Variants in DAZAP2 observed in about 807,000 individuals in gnomAD.
DAZAP2 encodes the protein DAZ-associated protein 2.
In DAZAP2, 3 loss-of-function variants were observed where a neutral mutation model predicts 16.2. The ratio of observed to expected loss-of-function variants is 0.19; its 90% confidence interval spans 0.08 to 0.48. The LOEUF (loss-of-function observed/expected upper bound fraction) is 0.48, where lower values mean the gene tolerates loss of function less well. Ranked by LOEUF, DAZAP2 falls within the 20% of genes least tolerant of loss-of-function variation. DAZAP2 has a pLI of 0.98. For synonymous variants in DAZAP2, 69 were observed against 77.6 expected (o/e 0.89, Z 0.58); for missense variants, 172 against 215.9 (o/e 0.80, Z 1.27).
At position 51,243,447 on chromosome 12, in the gene DAZAP2, A is replaced by G. The variant is rs538667949; in HGVS notation, c.*989A>G. ...ACTCATTCGGCTCCCCAGAATTCCT[A>G]GACTGGGTTAATAGGGTCATATTGT... is the stretch of plus-strand genomic sequence containing the variant. On this transcript the variant is annotated 3_prime_UTR_variant, in exon 4 of 4. Coordinates refer to ENST00000412716, the MANE Select transcript of DAZAP2 (RefSeq NM_014764.4). The G allele has an allele frequency of 1.0e-6, 1 of 985,840 alleles. No homozygotes were observed. The highest frequency in any genetic ancestry group is 1.7e-5 in the African/African-American group (1 of 57,372). The allele number at this position is 985,840 out of a possible 1,614,324, so 61.1% of individuals were successfully genotyped here.
chr12:51,240,633 G>T, intron 2 of DAZAP2, 172 bp downstream of exon 2: 1 of 845,016 alleles, frequency 1.2e-6, no homozygotes, highest in Non-Finnish European at 1.8e-6. Context: ...ATTATTTGAT[G>T]ATTTTGTGTT....
At chr12:51,246,170 C>T (rs1469143089), downstream of DAZAP2, 5 of 1,601,696 alleles carry the variant, frequency 3.1e-6, no homozygotes, top group Non-Finnish European at 4.3e-6. Flanking sequence ...GAGGATGTCT[C>T]AGTAGTTCCT....
chr12:51,242,145 GT>G (rs1262124183), intron 3 of DAZAP2, among the ~76,000 whole-genome samples, 184 bp from the exon 4 acceptor site: 1 of 152,102 alleles, frequency 6.6e-6, no homozygotes, highest in Admixed American at 6.5e-5. Flanking sequence ...TCCCTTTCCT[GT>G]TTGTATCTTT....
intron 1 of DAZAP2, 125 bp from the exon 2 acceptor site, chr12:51,240,218 C>T (rs1319709574): frequency 1.3e-6 from 1 of 750,034 alleles, no homozygotes; most frequent in Non-Finnish European, 2.4e-6. Flanking sequence ...GAATCAGGCC[C>T]TCTGGGGCAG....
chr12:51,242,537 T>A lies in DAZAP2; in HGVS notation c.*79T>A, dbSNP rs1416463152. On this transcript the variant is annotated 3_prime_UTR_variant, in exon 4 of 4. Coordinates refer to ENST00000412716, the MANE Select transcript of DAZAP2 (RefSeq NM_014764.4). ...TCACAATGTAACTGCTTTAGTCATA[T>A]TAACCTGAAGTTGCAGTTTAGACAC... 1 of 1,613,106 alleles carries A rather than the reference T, an allele frequency of 6.2e-7. No individual in the cohort carries two copies. Among genetic ancestry groups the A allele is most frequent in the Non-Finnish European group, 8.5e-7 (1 of 1,179,984 alleles).
At chr12:51,240,106 G>A (rs991291524) in intron 1 of DAZAP2, 5 of 522,604 alleles carry the variant, frequency 9.6e-6, no homozygotes, top group Non-Finnish European at 1.7e-5. Flanking sequence ...CCTTACTTCG[G>A]TATGTTAGTA....
At position 51,240,930 on chromosome 12, in the gene DAZAP2, A is replaced by G. The variant is rs745850350; in HGVS notation, c.192A>G (p.Ala64=). The G allele has an allele frequency of 8.1e-6, 13 of 1,614,152 alleles. No homozygotes were observed. Among genetic ancestry groups the G allele is most frequent in the Admixed American group, 1.7e-5 (1 of 60,014 alleles). ...CCACAGTCCCCACCATGTCAGCCGCATTTCCTGGAGCCTCTCTGTATCTTC... is the reference window on the plus strand; with the variant it reads ...CCACAGTCCCCACCATGTCAGCCGCGTTTCCTGGAGCCTCTCTGTATCTTC... ...GAATVPTMSA[A]FPGASLYLPM... is the part of the protein sequence containing the mutation. Residue 64 remains alanine (A), a synonymous_variant, in exon 3 of 4, where the codon GCA becomes GCG. Transcript: ENST00000412716.
In DAZAP2 at chr12:51,243,607, C is replaced by T. The variant is rs1944721035; in HGVS notation, c.*1149C>T. The T allele has an allele frequency of 8.1e-6, 8 of 985,370 alleles. No individual in the cohort carries two copies. Among genetic ancestry groups the T allele is most frequent in the African/African-American group, 1.7e-5 (1 of 57,152 alleles). 61.0% of individuals were successfully genotyped at this position (985,370 alleles called of 1,614,324 possible). On this transcript the variant is annotated 3_prime_UTR_variant, in exon 4 of 4. Coordinates refer to ENST00000412716, the MANE Select transcript of DAZAP2 (RefSeq NM_014764.4). The stretch of plus-strand genomic sequence containing the variant: ...TTTATTTTATCTTATAATTTCAGTT[C>T]ATCTAAATTGTGTGTTCTGTACATG...
At chr12:51,239,056 C>A (rs991318724) in intron 1 of DAZAP2, 136 bp downstream of exon 1, 3 of 1,289,698 alleles carry the variant, frequency 2.3e-6, no homozygotes, top group Non-Finnish European at 3.2e-6. Context: ...CAGTCCAGGG[C>A]GCTGCGCCTG....
downstream of DAZAP2, chr12:51,245,909 C>G: frequency 6.3e-7 from 1 of 1,594,910 alleles, no homozygotes; most frequent in Non-Finnish European, 8.6e-7. Flanking sequence ...AGCGATGGAG[C>G]CAGGAATAAG....
chr12:51,243,368 A>T lies in DAZAP2; in HGVS notation c.*910A>T, dbSNP rs536171824. On this transcript the variant is annotated 3_prime_UTR_variant, in exon 4 of 4. Transcript: ENST00000412716. ...ATGTGTTCAGAGCTAAATTAAGAGGAGTTTTCAGATCAAAAACTGGTTACC... is the reference window on the plus strand; with the variant it reads ...ATGTGTTCAGAGCTAAATTAAGAGGTGTTTTCAGATCAAAAACTGGTTACC... 6.1e-5 allele frequency: 60 copies of T among 985,762 alleles called. No homozygotes were observed. In the East Asian group the frequency reaches 5.8e-3, roughly 95 times the overall value. 61.1% of individuals were successfully genotyped at this position (985,762 alleles called of 1,614,324 possible).
In DAZAP2 at chr12:51,243,701, CACTTA is replaced by C. The variant is rs1406620727; in HGVS notation, c.*1248_*1252del. On this transcript the variant is annotated 3_prime_UTR_variant, in exon 4 of 4. Coordinates refer to ENST00000412716, the MANE Select transcript of DAZAP2 (RefSeq NM_014764.4). ...GTATGTCTCTCTCTACACTGTGGTG[CACTTA>C]ACTTGTGGAATTTTTATACTAAAAA... is the stretch of plus-strand genomic sequence containing the variant. The C allele has an allele frequency of 5.1e-6, 5 of 985,366 alleles. No homozygotes were observed. Among genetic ancestry groups the C allele is most frequent in the Non-Finnish European group, 6.0e-6 (5 of 829,690 alleles). The allele number at this position is 985,366 out of a possible 1,614,324, so 61.0% of individuals were successfully genotyped here.
chr12:51,239,878 C>T (rs768425261), intron 1 of DAZAP2: 10 of 168,160 alleles, frequency 5.9e-5, no homozygotes, highest in Non-Finnish European at 1.0e-4. Flanking sequence ...TCACGGTTCA[C>T]TTCCATCATT....
At chr12:51,240,807 T>A in intron 2 of DAZAP2, 64 bp from the exon 3 acceptor site, 1 of 1,577,186 alleles carries the variant, frequency 6.3e-7, no homozygotes. Context: ...AATTAGCTCA[T>A]TAAAGAGATC....
chr12:51,245,697 T>A (rs1944758782), downstream of DAZAP2: 2 of 464,114 alleles, frequency 4.3e-6, no homozygotes, highest in Non-Finnish European at 7.8e-6. Flanking sequence ...CCACATCTTG[T>A]TGGCCAGTCA....
intron 1 of DAZAP2, chr12:51,239,140 T>G: frequency 1.6e-6 from 1 of 618,378 alleles, no homozygotes; most frequent in African/African-American, 1.9e-5. Context: ...TGTGGCGCAG[T>G]TTGGAGCTGC....
chr12:51,240,399 C>T lies in DAZAP2; in HGVS notation c.70C>T (p.Pro24Ser), dbSNP rs1944652440. The T allele has an allele frequency of 7.4e-6, 12 of 1,613,982 alleles. No individual in the cohort carries two copies. The highest frequency in any genetic ancestry group is 9.3e-6 in the Non-Finnish European group (11 of 1,180,020). Residue 24 changes from proline to serine, a missense_variant, in exon 2 of 4, where the codon CCT (proline) becomes TCT (serine). Transcript: ENST00000412716. ...PVQPPGNPVY[P>S]QTLHLPQAPP... ...GCAGCCTCCTGGGAATCCAGTATAC[C>T]CTCAGACCTTGCATCTTCCTCAGGC...
intron 1 of DAZAP2, 88 bp from the exon 2 acceptor site, chr12:51,240,255 C>A: frequency 1.0e-6 from 1 of 978,442 alleles, no homozygotes; most frequent in Non-Finnish European, 1.6e-6. Flanking sequence ...CTTCTGCTTG[C>A]TCCCACTAAG....
chr12:51,245,693 CT>C, downstream of DAZAP2: 1 of 458,572 alleles, frequency 2.2e-6, no homozygotes, highest in Admixed American at 3.4e-5. Flanking sequence ...ATAGCCACAT[CT>C]TGTTGGCCAG....
Sources: allele counts gnomAD v4.1 joint callset (sites outside exome capture counted in the v4.1 genomes callset), GRCh38; gene constraint gnomAD v4.1.1; transcripts MANE v1.5; gene names NCBI Gene and HGNC (gene_info 2026-07-23, HGNC 2026-07-21).